AKAP19: variants seen among roughly 807,000 people sequenced by gnomAD.
The protein encoded by AKAP19 is small A-kinase anchoring protein.
the AKAP19 span, among the ~76,000 whole-genome samples, chr2:190,195,325 A>G: frequency 1.3e-5 from 2 of 152,236 alleles, no homozygotes; most frequent in African/African-American, 4.8e-5. Flanking sequence ...CGTTCAACTT[A>G]TTGGGTAAAT....
the AKAP19 span, among the ~76,000 whole-genome samples, chr2:190,144,227 A>G: frequency 2.1e-5 from 3 of 143,446 alleles, no homozygotes; most frequent in Non-Finnish European, 4.6e-5. Flanking sequence ...TAAAAAAACA[A>G]TTAACAAAAA....
chr2:190,116,751 G>C, the AKAP19 span, among the ~76,000 whole-genome samples: 1 of 152,058 alleles, frequency 6.6e-6, no homozygotes, highest in Admixed American at 6.5e-5. Flanking sequence ...CTGGCAGCCT[G>C]GTCTTAGTTT....
the AKAP19 span, among the ~76,000 whole-genome samples, chr2:190,011,055 T>C: frequency 0.021 from 2,944 of 139,720 alleles, 32 homozygotes; most frequent in African/African-American, 0.075. Flanking sequence ...TCTCTCTTTT[T>C]TTTTTTTTTT....
At chr2:190,142,887 A>G in the AKAP19 span, among the ~76,000 whole-genome samples, 2 of 152,126 alleles carry the variant, frequency 1.3e-5, no homozygotes, top group Non-Finnish European at 2.9e-5. Flanking sequence ...CAAGAGAGTC[A>G]CCCACAAGGG....
At chr2:189,928,005 C>T in the AKAP19 span, among the ~76,000 whole-genome samples, 2 of 151,938 alleles carry the variant, frequency 1.3e-5, no homozygotes, top group Non-Finnish European at 2.9e-5. Flanking sequence ...TGATTTTTTT[C>T]CTGTTTCAGG....
chr2:190,193,904 TTTCTA>T, the AKAP19 span, among the ~76,000 whole-genome samples: 1 of 152,204 alleles, frequency 6.6e-6, no homozygotes, highest in Non-Finnish European at 1.5e-5. Flanking sequence ...CTTTTCTTCT[TTTCTA>T]TTATAAGCAT....
chr2:190,031,352 A>G, the AKAP19 span, among the ~76,000 whole-genome samples: 1 of 152,190 alleles, frequency 6.6e-6, no homozygotes, highest in Non-Finnish European at 1.5e-5. Context: ...TTTATAATTC[A>G]GCTGTTCTCA....
the AKAP19 span, among the ~76,000 whole-genome samples, chr2:190,127,612 T>A: frequency 6.6e-6 from 1 of 152,212 alleles, no homozygotes; most frequent in South Asian, 2.1e-4. Flanking sequence ...ATTCAAGTAT[T>A]ATATTAGAAC....
the AKAP19 span, among the ~76,000 whole-genome samples, chr2:189,933,070 C>A: frequency 6.6e-6 from 1 of 152,154 alleles, no homozygotes; most frequent in South Asian, 2.1e-4. Context: ...TTAATTTGGG[C>A]AGATACTCAG....
chr2:190,061,692 G>A, the AKAP19 span, among the ~76,000 whole-genome samples: 1 of 151,938 alleles, frequency 6.6e-6, no homozygotes, highest in South Asian at 2.1e-4. Context: ...ATTCTTCAGT[G>A]TAATAGCTCT....
the AKAP19 span, among the ~76,000 whole-genome samples, chr2:190,168,992 T>C: frequency 6.6e-6 from 1 of 152,210 alleles, no homozygotes; most frequent in African/African-American, 2.4e-5. Flanking sequence ...CAGTGCCCCA[T>C]TCTACTGGTA....
the AKAP19 span, among the ~76,000 whole-genome samples, chr2:190,068,338 T>C: frequency 6.6e-6 from 1 of 152,132 alleles, no homozygotes; most frequent in African/African-American, 2.4e-5. Context: ...AGTGTTTTTC[T>C]TTGTTTGTTG....
At chr2:189,908,399 G>A in the AKAP19 span, among the ~76,000 whole-genome samples, 16 of 152,022 alleles carry the variant, frequency 1.1e-4, no homozygotes, top group Non-Finnish European at 1.5e-4. Flanking sequence ...GTTTCATCAC[G>A]TTGGCCAGGC....
the AKAP19 span, chr2:189,917,291 A>G: frequency 3.6e-6 from 5 of 1,407,678 alleles, no homozygotes; most frequent in South Asian, 1.2e-5. Context: ...TGGTTTCTTC[A>G]TGGTCCTCCA....
chr2:190,071,663 G>C, the AKAP19 span, among the ~76,000 whole-genome samples: 1 of 151,990 alleles, frequency 6.6e-6, no homozygotes, highest in Non-Finnish European at 1.5e-5. Context: ...AATAATACCA[G>C]TAATATCTAA....
chr2:190,008,699 G>T, the AKAP19 span, among the ~76,000 whole-genome samples: 1 of 150,074 alleles, frequency 6.7e-6, no homozygotes, highest in Non-Finnish European at 1.5e-5. Flanking sequence ...TGAGTTTCTT[G>T]GCTATGTCAG....
chr2:190,074,873 A>G, the AKAP19 span, among the ~76,000 whole-genome samples: 1 of 152,190 alleles, frequency 6.6e-6, no homozygotes, highest in Non-Finnish European at 1.5e-5. Context: ...AAATCTCAAA[A>G]ATGAAACCAG....
chr2:189,911,560 G>A, the AKAP19 span, among the ~76,000 whole-genome samples: 1 of 152,008 alleles, frequency 6.6e-6, no homozygotes, highest in Non-Finnish European at 1.5e-5. Flanking sequence ...ATAGTCAAAT[G>A]TTTAACATAG....
the AKAP19 span, among the ~76,000 whole-genome samples, chr2:189,982,290 A>G: frequency 2.0e-5 from 3 of 152,062 alleles, no homozygotes; most frequent in African/African-American, 4.8e-5. Context: ...GATTTAGTCT[A>G]TTGTTAAAGT....
Sources: allele counts gnomAD v4.1 joint callset (sites outside exome capture counted in the v4.1 genomes callset), GRCh38; gene constraint gnomAD v4.1.1; transcripts MANE v1.5; gene names NCBI Gene and HGNC (gene_info 2026-07-23, HGNC 2026-07-21).